The following LYPLAL1 variants were observed in gnomAD, a reference collection of about 807,000 sequenced individuals.
LYPLAL1 encodes lysophospholipase-like protein 1.
A neutral mutation model predicts 19.7 loss-of-function variants in LYPLAL1; 23 were observed. That is an observed-to-expected ratio of 1.17 (90% CI 0.84 to 1.65). LYPLAL1 has a LOEUF of 1.65. Ranked by LOEUF, LYPLAL1 falls within the 40% of genes most tolerant of loss-of-function variation. The pLI, the probability that LYPLAL1 is intolerant of heterozygous loss-of-function variation, is 0.00. For synonymous variants in LYPLAL1, 119 were observed against 96.3 expected (o/e 1.24, Z -1.38); for missense variants, 355 against 279.4 (o/e 1.27, Z -1.93).
chr1:219,326,840 GA>G, the LYPLAL1 span, among the ~76,000 whole-genome samples: 2 of 152,152 alleles, frequency 1.3e-5, no homozygotes, highest in African/African-American at 4.8e-5. Context: ...CTATGGGGAA[GA>G]AAAAGAAGAA....
chr1:219,247,556 C>T, the LYPLAL1 span, among the ~76,000 whole-genome samples: 2 of 152,172 alleles, frequency 1.3e-5, no homozygotes, highest in East Asian at 3.8e-4. Flanking sequence ...GTTAGCTGGA[C>T]CAAAGGCTGA....
chr1:219,205,734 C>T (rs1303485456), intron 3 of LYPLAL1, among the ~76,000 whole-genome samples: 1 of 152,150 alleles, frequency 6.6e-6, no homozygotes, highest in Admixed American at 6.5e-5. Context: ...TGAACTTGTA[C>T]ACGTTTTCTC....
At chr1:219,365,583 C>A in the LYPLAL1 span, among the ~76,000 whole-genome samples, 1 of 152,248 alleles carries the variant, frequency 6.6e-6, no homozygotes, top group East Asian at 1.9e-4. Flanking sequence ...ACAGCTCTTC[C>A]CTGGATACCT....
At chr1:219,429,935 A>G in the LYPLAL1 span, among the ~76,000 whole-genome samples, 1 of 152,166 alleles carries the variant, frequency 6.6e-6, no homozygotes, top group African/African-American at 2.4e-5. Flanking sequence ...CCAAAAGTCC[A>G]GGTGTCTCAT....
At chr1:219,256,150 GC>G in the LYPLAL1 span, among the ~76,000 whole-genome samples, 2 of 151,644 alleles carry the variant, frequency 1.3e-5, no homozygotes, top group African/African-American at 4.8e-5. Context: ...AACATATTTG[GC>G]GGAATTCACA....
chr1:219,381,857 A>C, the LYPLAL1 span, among the ~76,000 whole-genome samples: 72 of 152,334 alleles, frequency 4.7e-4, no homozygotes, highest in South Asian at 0.015. Flanking sequence ...ACAGTTCATC[A>C]GGGAAAAGAC....
intron 2 of LYPLAL1, among the ~76,000 whole-genome samples, chr1:219,186,270 T>C (rs564817226): frequency 7.9e-5 from 12 of 152,040 alleles, no homozygotes; most frequent in Non-Finnish European, 1.2e-4. Context: ...GCATATGGTC[T>C]ATCTTGGTGA....
the LYPLAL1 span, among the ~76,000 whole-genome samples, chr1:219,306,790 A>G: frequency 6.6e-6 from 1 of 151,034 alleles, no homozygotes; most frequent in African/African-American, 2.4e-5. Flanking sequence ...AGATAGATAC[A>G]TAGACAGATG....
At chr1:219,384,983 C>T in the LYPLAL1 span, among the ~76,000 whole-genome samples, 7 of 152,272 alleles carry the variant, frequency 4.6e-5, no homozygotes, top group East Asian at 1.9e-4. Flanking sequence ...TAAGACTCTA[C>T]GGATCTTGGA....
chr1:219,433,879 C>T, the LYPLAL1 span, among the ~76,000 whole-genome samples: 2 of 152,142 alleles, frequency 1.3e-5, no homozygotes, highest in South Asian at 4.1e-4. Flanking sequence ...AATTGTTTGT[C>T]GAATGAATGC....
chr1:219,225,897 A>G, the LYPLAL1 span, among the ~76,000 whole-genome samples: 86 of 152,272 alleles, frequency 5.6e-4, no homozygotes, highest in African/African-American at 1.9e-3. Context: ...CCATGCCAAT[A>G]TTTCCTGGAC....
chr1:219,378,123 T>G, the LYPLAL1 span, among the ~76,000 whole-genome samples: 7 of 152,198 alleles, frequency 4.6e-5, no homozygotes, highest in Non-Finnish European at 1.5e-5. Flanking sequence ...AAAACAGTTC[T>G]CAAGAAAAGT....
chr1:219,403,434 A>G, the LYPLAL1 span, among the ~76,000 whole-genome samples: 41 of 152,310 alleles, frequency 2.7e-4, 1 homozygote, highest in African/African-American at 9.1e-4. Flanking sequence ...AACGCTGAGT[A>G]TAATTTAATT....
the LYPLAL1 span, among the ~76,000 whole-genome samples, chr1:219,381,519 A>C: frequency 6.6e-6 from 1 of 152,138 alleles, no homozygotes; most frequent in Non-Finnish European, 1.5e-5. Context: ...GTGGGGACAA[A>C]ATAGAAAATA....
the LYPLAL1 span, among the ~76,000 whole-genome samples, chr1:219,366,378 A>G: frequency 0.015 from 2,307 of 152,332 alleles, 52 homozygotes; most frequent in African/African-American, 0.052. Flanking sequence ...ATAAATATCA[A>G]CTTACATTTA....
chr1:219,440,369 C>A, the LYPLAL1 span, among the ~76,000 whole-genome samples: 1 of 151,894 alleles, frequency 6.6e-6, no homozygotes, highest in Non-Finnish European at 1.5e-5. Flanking sequence ...ATGTGTATTC[C>A]CTAAATGCCA....
At chr1:219,174,178 T>A in intron 1 of LYPLAL1, 197 bp downstream of exon 1, 1 of 1,421,560 alleles carries the variant, frequency 7.0e-7, no homozygotes, top group Non-Finnish European at 9.2e-7. Flanking sequence ...TTCCTCTTTC[T>A]ATCGGGCGGT....
the LYPLAL1 span, among the ~76,000 whole-genome samples, chr1:219,392,524 A>T: frequency 1.3e-5 from 2 of 152,160 alleles, no homozygotes; most frequent in African/African-American, 4.8e-5. Context: ...GACTCTTGAT[A>T]GGTGTCGTAT....
At chr1:219,274,882 G>T in the LYPLAL1 span, among the ~76,000 whole-genome samples, 1 of 152,096 alleles carries the variant, frequency 6.6e-6, no homozygotes, top group Non-Finnish European at 1.5e-5. Context: ...GCTTTGAGAA[G>T]TGATTTTACT....
Sources: gnomAD v4.1 joint callset for allele counts (sites outside exome capture counted in the v4.1 genomes callset) on GRCh38, gnomAD v4.1.1 for gene constraint, MANE v1.5 for transcripts, NCBI Gene and HGNC (gene_info 2026-07-23, HGNC 2026-07-21) for gene names.